NRXN3: variants seen among roughly 807,000 people sequenced by gnomAD.
The protein encoded by NRXN3 is neurexin III.
In NRXN3, 32 loss-of-function variants were observed where a neutral mutation model predicts 137.6. The observed-to-expected ratio is 0.23, with a 90% CI of 0.18 to 0.31. The LOEUF (loss-of-function observed/expected upper bound fraction) is 0.31. NRXN3 is among the 10% of genes least tolerant of loss of function. The pLI is 1.00. For missense variants in NRXN3, 1,574 were observed against 2,062.5 expected (o/e 0.76, Z 4.59); for synonymous variants, 798 against 784.5 (o/e 1.02, Z -0.29).
chr14:79,346,864 A>T (rs1566868037), intron 15 of NRXN3, among the ~76,000 whole-genome samples: 1 of 152,152 alleles, frequency 6.6e-6, no homozygotes, highest in Non-Finnish European at 1.5e-5. Context: ...CAAGTTCATG[A>T]GGTCTGTGTT....
At chr14:78,760,099 CG>C (rs2098687290) in intron 8 of NRXN3, among the ~76,000 whole-genome samples, 1 of 133,200 alleles carries the variant, frequency 7.5e-6, no homozygotes, top group Admixed American at 8.4e-5. Flanking sequence ...TGGAGTGCAA[CG>C]GAACAATCTT....
In NRXN3 at chr14:79,845,595, AG is replaced by A. The variant is rs2141568600; in HGVS notation, c.4094-15746del. On this transcript the variant is annotated intron_variant, in intron 20 of 20. Coordinates refer to ENST00000335750, the MANE Select transcript of NRXN3 (RefSeq NM_001330195.2). ...GAGACCGACCCAGAGAGACAGAGAG[AG>A]AGAGAGACAGAGAGAGAGACGGAGA... 1.3e-5 allele frequency among the ~76,000 whole-genome samples: 2 copies of A among 149,780 alleles called. 1 individual carries two copies. Among genetic ancestry groups the A allele is most frequent in the African/African-American group, 4.9e-5 (2 of 41,186 alleles).
At chr14:78,174,625 G>A (rs213563) in intron 1 of NRXN3, among the ~76,000 whole-genome samples, 62,287 of 151,962 alleles carry the variant, frequency 0.41, 13,793 homozygotes, top group African/African-American at 0.59. Flanking sequence ...CTCTTTGTGT[G>A]GTGTGGCTGT....
chr14:79,007,828 A>AAAAG (rs2099556670), intron 15 of NRXN3, among the ~76,000 whole-genome samples: 1 of 148,646 alleles, frequency 6.7e-6, no homozygotes, highest in African/African-American at 2.5e-5. Context: ...AAAAAAAAAA[A>AAAAG]GCAGAAAAAT....
At chr14:79,708,982 T>TGA (rs142447936) in intron 19 of NRXN3, among the ~76,000 whole-genome samples, 73 of 150,250 alleles carry the variant, frequency 4.9e-4, no homozygotes, top group Middle Eastern at 3.4e-3. Flanking sequence ...TGTGTGTGTG[T>TGA]GAGAGAGAGA....
chr14:79,084,927 T>A (rs1030934605), intron 15 of NRXN3, among the ~76,000 whole-genome samples: 2 of 152,162 alleles, frequency 1.3e-5, no homozygotes, highest in Non-Finnish European at 2.9e-5. Flanking sequence ...TTATAGACTG[T>A]TGGGGACCAT....
At chr14:78,735,440 T>A (rs2152913927) in intron 8 of NRXN3, among the ~76,000 whole-genome samples, 1 of 152,292 alleles carries the variant, frequency 6.6e-6, no homozygotes, top group East Asian at 1.9e-4. Context: ...GGTCTTGCTG[T>A]CACCAGCTGA....
At chr14:78,424,734 A>G (rs1177513309) in intron 4 of NRXN3, among the ~76,000 whole-genome samples, 1 of 152,198 alleles carries the variant, frequency 6.6e-6, no homozygotes, top group African/African-American at 2.4e-5. Context: ...AGATAAGCCT[A>G]AAATCTGTAG....
chr14:78,891,301 A>G (rs147177487), intron 10 of NRXN3, among the ~76,000 whole-genome samples: 1 of 152,080 alleles, frequency 6.6e-6, no homozygotes, highest in African/African-American at 2.4e-5. Context: ...TGAAGTAACT[A>G]AAACTTAGAG....
intron 17 of NRXN3, among the ~76,000 whole-genome samples, chr14:79,678,777 C>T (rs1350000392): frequency 6.6e-6 from 1 of 152,144 alleles, no homozygotes; most frequent in African/African-American, 2.4e-5. Context: ...ATAGATACTG[C>T]ATGAACTTGA....
intron 10 of NRXN3, among the ~76,000 whole-genome samples, chr14:78,905,722 T>TA (rs560410399): frequency 2.6e-5 from 4 of 152,052 alleles, no homozygotes; most frequent in Admixed American, 6.6e-5. Flanking sequence ...TATAAAATGA[T>TA]AAAAAATGTT....
chr14:78,779,415 T>C (rs1366888671), intron 8 of NRXN3, among the ~76,000 whole-genome samples: 4 of 152,080 alleles, frequency 2.6e-5, no homozygotes, highest in African/African-American at 9.7e-5. Context: ...AACATATATT[T>C]ACATTAGTAA....
intron 4 of NRXN3, among the ~76,000 whole-genome samples, chr14:78,534,982 C>G (rs967616579): frequency 6.6e-6 from 1 of 152,078 alleles, no homozygotes; most frequent in Non-Finnish European, 1.5e-5. Flanking sequence ...CAAAGGAATA[C>G]AAACAAGGAC....
chr14:78,861,464 C>T (rs2099072153), intron 10 of NRXN3, among the ~76,000 whole-genome samples: 1 of 151,980 alleles, frequency 6.6e-6, no homozygotes, highest in Non-Finnish European at 1.5e-5. Context: ...AATAAGAGTT[C>T]ACACCTTCTC....
chr14:79,031,366 A>G (rs1019821828), intron 15 of NRXN3, among the ~76,000 whole-genome samples: 4 of 152,180 alleles, frequency 2.6e-5, no homozygotes, highest in African/African-American at 9.6e-5. Flanking sequence ...GTAACACATT[A>G]TTAGAATCAA....
chr14:79,315,088 A>G (rs1020821718), intron 15 of NRXN3, among the ~76,000 whole-genome samples: 4 of 152,122 alleles, frequency 2.6e-5, no homozygotes, highest in African/African-American at 9.7e-5. Flanking sequence ...CCAGGTGATA[A>G]TGTATCTAAT....
At chr14:78,432,810 G>A (rs1384330945) in intron 4 of NRXN3, among the ~76,000 whole-genome samples, 1 of 152,196 alleles carries the variant, frequency 6.6e-6, no homozygotes, top group Admixed American at 6.5e-5. Flanking sequence ...GGAAACTGTG[G>A]CAGTAAGGAG....
intron 10 of NRXN3, among the ~76,000 whole-genome samples, chr14:78,939,583 T>C (rs528877434): frequency 1.3e-5 from 2 of 152,336 alleles, no homozygotes; most frequent in East Asian, 3.9e-4. Context: ...GGCAAGTATA[T>C]CTGGCCATAG....
chr14:79,478,249 G>A (rs934716995), intron 16 of NRXN3, among the ~76,000 whole-genome samples: 3 of 150,186 alleles, frequency 2.0e-5, no homozygotes, highest in South Asian at 4.2e-4. Flanking sequence ...GATAAAGGAG[G>A]AAAGGAAGAG....
Sources: gnomAD v4.1 joint callset for allele counts (sites outside exome capture counted in the v4.1 genomes callset) on GRCh38, gnomAD v4.1.1 for gene constraint, MANE v1.5 for transcripts, NCBI Gene and HGNC (gene_info 2026-07-23, HGNC 2026-07-21) for gene names.